The following AK5 variants were observed in gnomAD, a reference collection of about 807,000 sequenced individuals.
AK5 encodes the protein adenylate kinase isoenzyme 5.
In AK5, 27 loss-of-function variants were observed where a neutral mutation model predicts 69.5. That is an observed-to-expected ratio of 0.39 (90% CI 0.29 to 0.54). The LOEUF is 0.54. AK5 is among the 20% of genes least tolerant of loss of function. The pLI, the probability that AK5 is intolerant of heterozygous loss-of-function variation, is 0.71. For missense variants in AK5, 531 were observed against 700.4 expected (o/e 0.76, Z 2.73); for synonymous variants, 260 against 244.4 (o/e 1.06, Z -0.60).
chr1:77,464,078 ATTG>A (rs61341404), intron 8 of AK5, among the ~76,000 whole-genome samples: 8,131 of 152,306 alleles, frequency 0.053, 422 homozygotes, highest in East Asian at 0.19. Context: ...AGGACAGAGT[ATTG>A]TTGTAGCACT....
chr1:77,389,147 A>T (rs1178172790), intron 6 of AK5, among the ~76,000 whole-genome samples: 1 of 152,224 alleles, frequency 6.6e-6, no homozygotes, highest in African/African-American at 2.4e-5. Flanking sequence ...GAGGTATGAA[A>T]GTGGATATCC....
Position 77,340,480 on chromosome 1 carries a change from TA to T in AK5, c.807del (p.Ala270LeufsTer6). ...CAGCAGGGCCGACCAGACGACAATG[TA>T]AAAGCTACCCAAAGGAGACTAATGA... Reference protein sequence around the residue: ...AEQQGRPDDNVKATQRRLMNF... With the variant: ...AEQQGRPDDNXKATQRRLMNF... On this transcript the variant is annotated frameshift_variant, in exon 6 of 14. Coordinates refer to ENST00000354567, the MANE Select transcript of AK5 (RefSeq NM_174858.3). LOFTEE classifies it high-confidence loss of function. The T allele has an allele frequency of 6.2e-7, 1 of 1,614,146 alleles. No individual in the cohort carries two copies. The highest frequency in any genetic ancestry group is 8.5e-7 in the Non-Finnish European group (1 of 1,179,996).
rs560033472 is a variant in AK5 at position 77,334,374 on chromosome 1, G to C, written c.700-6003G>C. Among the ~76,000 whole-genome samples the C allele has an allele frequency of 8.5e-5, 13 of 152,170 alleles. No homozygotes were observed. In the South Asian group the frequency reaches 2.7e-3, roughly 32 times the overall value. On this transcript the variant is annotated intron_variant, in intron 5 of 13. Coordinates refer to ENST00000354567, the MANE Select transcript of AK5 (RefSeq NM_174858.3). Reference sequence around the variant, plus strand: ...TCATTTCTTTTTTGGCTGCTTTAAAGATATTTTTTGGTCTGTCTAGGTTTT... The same window carrying C: ...TCATTTCTTTTTTGGCTGCTTTAAACATATTTTTTGGTCTGTCTAGGTTTT...
At chr1:77,546,940 G>A (rs188831181) in intron 13 of AK5, among the ~76,000 whole-genome samples, 7 of 152,298 alleles carry the variant, frequency 4.6e-5, no homozygotes, top group African/African-American at 7.2e-5. Flanking sequence ...CCACTGACAC[G>A]TGAAAGCGCC....
At chr1:77,555,649 G>A (rs888106013) in intron 13 of AK5, among the ~76,000 whole-genome samples, 9 of 152,188 alleles carry the variant, frequency 5.9e-5, no homozygotes, top group Admixed American at 5.9e-4. Flanking sequence ...GCATTCCTGT[G>A]CCATTACTAG....
chr1:77,511,694 A>T (rs1359325342), intron 10 of AK5, among the ~76,000 whole-genome samples: 1 of 152,198 alleles, frequency 6.6e-6, no homozygotes, highest in East Asian at 1.9e-4. Context: ...TCTCAAGGGA[A>T]CTCTTAGCAG....
intron 9 of AK5, among the ~76,000 whole-genome samples, chr1:77,485,514 T>C (rs2100726886): frequency 6.6e-6 from 1 of 152,354 alleles, no homozygotes; most frequent in East Asian, 1.9e-4. Context: ...CTCAGATACA[T>C]TTATTTTAAA....
At chr1:77,467,690 G>A (rs1236357206) in intron 8 of AK5, among the ~76,000 whole-genome samples, 1 of 152,168 alleles carries the variant, frequency 6.6e-6, no homozygotes, top group Non-Finnish European at 1.5e-5. Context: ...CCATGAAGAG[G>A]CATTGATGAC....
intron 10 of AK5, among the ~76,000 whole-genome samples, chr1:77,501,998 G>A (rs1412876027): frequency 3.9e-5 from 6 of 152,178 alleles, no homozygotes; most frequent in Non-Finnish European, 7.4e-5. Flanking sequence ...ATCACTGACA[G>A]ATAACTATCT....
In AK5 at chr1:77,486,004, A is replaced by G. The variant is rs867496606; in HGVS notation, c.1103-304A>G. On this transcript the variant is annotated intron_variant, in intron 9 of 13. Coordinates refer to ENST00000354567, the MANE Select transcript of AK5 (RefSeq NM_174858.3). ...TGGTGGCATGCCTATAATCCCAGCTATCCAGGAGCCTGAGACAGGAGAATG... is the reference window on the plus strand; with the variant it reads ...TGGTGGCATGCCTATAATCCCAGCTGTCCAGGAGCCTGAGACAGGAGAATG... Among the ~76,000 whole-genome samples the G allele has an allele frequency of 2.0e-5, 3 of 152,126 alleles. No homozygotes were observed. In the South Asian group the frequency reaches 6.2e-4, roughly 31 times the overall value.
chr1:77,471,029 T>C (rs1654474966), intron 8 of AK5, among the ~76,000 whole-genome samples: 1 of 150,762 alleles, frequency 6.6e-6, no homozygotes, highest in Admixed American at 6.6e-5. Flanking sequence ...TAAAGGCGTG[T>C]GCCACCATGC....
At chr1:77,345,586 T>C (rs1256533883) in intron 6 of AK5, among the ~76,000 whole-genome samples, 1 of 152,206 alleles carries the variant, frequency 6.6e-6, no homozygotes, top group African/African-American at 2.4e-5. Context: ...ATTTTTCTAA[T>C]TTTGCTGTGG....
intron 8 of AK5, among the ~76,000 whole-genome samples, chr1:77,460,819 G>T (rs1191239454): frequency 1.3e-5 from 2 of 152,116 alleles, no homozygotes; most frequent in East Asian, 3.9e-4. Context: ...TGCCTCCTGG[G>T]TTCAAGCTAT....
At chr1:77,390,859 A>T (rs1337235800) in intron 6 of AK5, among the ~76,000 whole-genome samples, 1 of 152,218 alleles carries the variant, frequency 6.6e-6, no homozygotes, top group Non-Finnish European at 1.5e-5. Context: ...CTTAATAAGA[A>T]TACTTAAAAT....
chr1:77,393,032 A>G (rs750397588), intron 6 of AK5, among the ~76,000 whole-genome samples: 2 of 152,134 alleles, frequency 1.3e-5, no homozygotes, highest in Non-Finnish European at 2.9e-5. Context: ...TTCTGGGCTC[A>G]ATCAGTCTTC....
chr1:77,378,690 A>G (rs1411518266), intron 6 of AK5, among the ~76,000 whole-genome samples: 3 of 152,254 alleles, frequency 2.0e-5, no homozygotes, highest in African/African-American at 4.8e-5. Context: ...TGGATTAATA[A>G]AAAACCTGGA....
intron 6 of AK5, among the ~76,000 whole-genome samples, chr1:77,357,407 TA>T: frequency 6.6e-6 from 1 of 152,310 alleles, no homozygotes; most frequent in African/African-American, 2.4e-5. Context: ...AAACCTCTCA[TA>T]TCACATGAGT....
intron 6 of AK5, among the ~76,000 whole-genome samples, chr1:77,379,469 A>T (rs1036367620): frequency 4.6e-5 from 7 of 152,210 alleles, no homozygotes; most frequent in Admixed American, 1.3e-4. Flanking sequence ...CTCTGCACAG[A>T]TTTAAAGGGC....
chr1:77,403,614 C>A (rs148170967), intron 6 of AK5, among the ~76,000 whole-genome samples: 3 of 152,154 alleles, frequency 2.0e-5, no homozygotes, highest in Non-Finnish European at 4.4e-5. Context: ...TGTAGCCATG[C>A]GGCATTATTT....
Sources: gnomAD v4.1 joint callset for allele counts (sites outside exome capture counted in the v4.1 genomes callset) on GRCh38, gnomAD v4.1.1 for gene constraint, MANE v1.5 for transcripts, NCBI Gene and HGNC (gene_info 2026-07-23, HGNC 2026-07-21) for gene names.